Variants in DGKD observed in about 807,000 individuals in gnomAD.
DGKD encodes the protein DAG kinase delta.
A neutral mutation model predicts 154.4 loss-of-function variants in DGKD; 68 were observed. The observed-to-expected ratio is 0.44, with a 90% confidence interval of 0.36 to 0.54. The LOEUF (loss-of-function observed/expected upper bound fraction) is 0.54, where lower values mean the gene tolerates loss of function less well. Among genes scored for constraint, DGKD ranks in the 20% least tolerant of loss-of-function variants. The probability of loss-of-function intolerance (pLI) is 0.00; values close to 1 mark genes in which losing one functional copy is unlikely to be tolerated. For synonymous variants in DGKD, 693 were observed against 638.0 expected (o/e 1.09, Z -1.30); for missense variants, 1,343 against 1,593.6 (o/e 0.84, Z 2.68).
chr2:233,435,343 T>C (rs1029083885), intron 5 of DGKD, among the ~76,000 whole-genome samples: 2 of 152,238 alleles, frequency 1.3e-5, no homozygotes, highest in African/African-American at 4.8e-5. Context: ...GCTTGTTAGC[T>C]ATAGCCTGGA....
chr2:233,461,779 A>G (rs3754595), intron 24 of DGKD, among the ~76,000 whole-genome samples: 24,854 of 152,196 alleles, frequency 0.16, 2,969 homozygotes, highest in African/African-American at 0.33. Flanking sequence ...CTTTGCTTGC[A>G]CTGCTCCTAT....
chr2:233,387,355 G>C (rs1278920118), intron 1 of DGKD, among the ~76,000 whole-genome samples: 1 of 152,180 alleles, frequency 6.6e-6, no homozygotes, highest in East Asian at 1.9e-4. Flanking sequence ...TGTGGACTGG[G>C]CATTTCCGTG....
intron 3 of DGKD, among the ~76,000 whole-genome samples, chr2:233,401,143 C>A (rs1028426663): frequency 6.6e-6 from 1 of 151,770 alleles, no homozygotes; most frequent in African/African-American, 2.4e-5. Context: ...TGACTGGGGG[C>A]GAGTCACAGG....
At chr2:233,383,286 C>G (rs750668752) in intron 1 of DGKD, among the ~76,000 whole-genome samples, 41 of 152,162 alleles carry the variant, frequency 2.7e-4, no homozygotes, top group Admixed American at 2.2e-3. Flanking sequence ...GGTGATCCAC[C>G]TGCTTCGGCC....
chr2:233,427,227 C>T (rs570842120), intron 3 of DGKD, among the ~76,000 whole-genome samples: 3 of 151,978 alleles, frequency 2.0e-5, no homozygotes, highest in Admixed American at 1.3e-4. Context: ...TCCATGCAGT[C>T]ACCTCTGATG....
At chr2:233,360,843 G>A (rs1256166328) in intron 1 of DGKD, among the ~76,000 whole-genome samples, 1 of 152,192 alleles carries the variant, frequency 6.6e-6, no homozygotes, top group African/African-American at 2.4e-5. Context: ...AGAGTTCGTT[G>A]ATGCAAACCA....
chr2:233,435,186 G>A (rs1305981904), intron 5 of DGKD, among the ~76,000 whole-genome samples: 2 of 152,208 alleles, frequency 1.3e-5, no homozygotes, highest in Non-Finnish European at 2.9e-5. Context: ...AAGGAACAGT[G>A]GTCGGCCCCT....
intron 3 of DGKD, among the ~76,000 whole-genome samples, chr2:233,425,033 C>CT (rs978159195): frequency 6.6e-6 from 1 of 152,168 alleles, no homozygotes. Flanking sequence ...TTTTGTCTGG[C>CT]TTGGCAACTC....
At chr2:233,427,473 T>G (rs1342363892) in intron 3 of DGKD, among the ~76,000 whole-genome samples, 1 of 151,940 alleles carries the variant, frequency 6.6e-6, no homozygotes, top group Non-Finnish European at 1.5e-5. Context: ...CCCAAGTAGC[T>G]GGGATTACAG....
intron 3 of DGKD, among the ~76,000 whole-genome samples, chr2:233,398,037 A>G (rs1245838667): frequency 1.3e-5 from 2 of 151,468 alleles, no homozygotes; most frequent in East Asian, 1.9e-4. Flanking sequence ...AAGTTTTTAT[A>G]TTGTTTGTTA....
chr2:233,444,351 C>T (rs556270909), intron 10 of DGKD, among the ~76,000 whole-genome samples: 33 of 152,146 alleles, frequency 2.2e-4, no homozygotes, highest in Non-Finnish European at 3.5e-4. Flanking sequence ...CTCACCCAGG[C>T]GACCTTTCCC....
rs917707285 is a variant in DGKD, at chr2:233,468,017, G to T, written c.3425-406G>T. On this transcript the variant is annotated intron_variant, in intron 28 of 29. Coordinates refer to ENST00000264057, the MANE Select transcript of DGKD (RefSeq NM_152879.3). ...TGAGGACATTTCCCTCATATTTGGT[G>T]GTGGTAAATCCCTCCTGGGACACGG... Among the ~76,000 whole-genome samples, 3 of 152,114 alleles carry T rather than the reference G, an allele frequency of 2.0e-5. No homozygotes were observed. The East Asian group carries it at 5.8e-4, about 29-fold the overall frequency.
chr2:233,393,088 G>A (rs1703743538), intron 3 of DGKD, among the ~76,000 whole-genome samples: 1 of 151,706 alleles, frequency 6.6e-6, no homozygotes, highest in Admixed American at 6.6e-5. Context: ...GCAATGACGT[G>A]ATCTTGGCTC....
chr2:233,380,753 G>A (rs1702855162), intron 1 of DGKD, among the ~76,000 whole-genome samples: 1 of 152,190 alleles, frequency 6.6e-6, no homozygotes, highest in Non-Finnish European at 1.5e-5. Flanking sequence ...AAGTGGGTGT[G>A]AACTCCAAAT....
At chr2:233,394,690 C>CTTTTTTTTTTT (rs1703879704) in intron 3 of DGKD, among the ~76,000 whole-genome samples, 3 of 83,252 alleles carry the variant, frequency 3.6e-5, no homozygotes, top group Admixed American at 1.6e-4. Context: ...AATTTAATTC[C>CTTTTTTTTTTT]CTTTTTTTTT....
At chr2:233,454,523 GA>G (rs1207935125) in intron 18 of DGKD, 6 of 509,890 alleles carry the variant, frequency 1.2e-5, no homozygotes, top group Non-Finnish European at 2.3e-5. Flanking sequence ...TTAGGGGGAT[GA>G]AATGCTCTAA....
intron 1 of DGKD, among the ~76,000 whole-genome samples, chr2:233,372,308 T>C (rs1295434834): frequency 1.3e-5 from 2 of 152,222 alleles, no homozygotes; most frequent in African/African-American, 4.8e-5. Flanking sequence ...AGGCGTGAGC[T>C]ACTGAGCCCA....
intron 24 of DGKD, 99 bp downstream of exon 24, chr2:233,460,444 CT>C (rs1485964824): frequency 2.0e-6 from 3 of 1,471,786 alleles, no homozygotes; most frequent in African/African-American, 2.8e-5. Context: ...CTGCTCCTGA[CT>C]TTTGTGGGGT....
intron 10 of DGKD, among the ~76,000 whole-genome samples, chr2:233,444,172 C>G (rs981285516): frequency 1.3e-5 from 2 of 152,150 alleles, no homozygotes; most frequent in Non-Finnish European, 2.9e-5. Context: ...GTTCAGCCCC[C>G]ACCCTGCGTT....
Sources: allele counts gnomAD v4.1 joint callset (sites outside exome capture counted in the v4.1 genomes callset), GRCh38; gene constraint gnomAD v4.1.1; transcripts MANE v1.5; gene names NCBI Gene and HGNC (gene_info 2026-07-23, HGNC 2026-07-21).